The following BCAS3 variants were observed in gnomAD, a reference collection of about 807,000 sequenced individuals.
BCAS3 encodes the protein BCAS4/BCAS3 fusion.
Under a neutral mutation model 116.1 loss-of-function variants are expected in BCAS3, and 53 were observed. The ratio of observed to expected loss-of-function variants is 0.46; its 90% CI spans 0.37 to 0.57. The LOEUF is 0.57. Among genes scored for constraint, BCAS3 ranks in the 20% least tolerant of loss-of-function variants. The pLI is 0.00. For missense variants in BCAS3, 917 were observed against 1,165.4 expected, an observed-to-expected ratio of 0.79 and a Z score of 3.10; for synonymous variants, 391 against 408.2, an observed-to-expected ratio of 0.96 and a Z score of 0.51.
chr17:60,797,096 A>T (rs2047280264), intron 6 of BCAS3, among the ~76,000 whole-genome samples: 2 of 151,908 alleles, frequency 1.3e-5, no homozygotes, highest in South Asian at 4.2e-4. Flanking sequence ...GGGTTTCGCC[A>T]CCTTGGCCAG....
At chr17:61,311,362 A>G (rs917620686) in intron 22 of BCAS3, among the ~76,000 whole-genome samples, 1 of 152,220 alleles carries the variant, frequency 6.6e-6, no homozygotes, top group African/African-American at 2.4e-5. Flanking sequence ...TGGGGATTCT[A>G]TGTGAGGGCA....
chr17:61,185,592 C>T (rs994048810), intron 22 of BCAS3, among the ~76,000 whole-genome samples: 4 of 152,064 alleles, frequency 2.6e-5, no homozygotes, highest in East Asian at 1.9e-4. Context: ...GTTCATTCAT[C>T]GGTCAAACTG....
At chr17:61,389,609 C>G (rs1290744848) in intron 23 of BCAS3, 4 of 152,344 alleles carry the variant, frequency 2.6e-5, no homozygotes, top group Non-Finnish European at 5.9e-5. Flanking sequence ...CCTTGGTTAC[C>G]TTACCCTGGG....
intron 11 of BCAS3, among the ~76,000 whole-genome samples, chr17:60,904,939 C>T (rs2058109797): frequency 6.6e-6 from 1 of 152,110 alleles, no homozygotes; most frequent in African/African-American, 2.4e-5. Flanking sequence ...AAAGACTCTT[C>T]CAGTGAATAA....
intron 6 of BCAS3, among the ~76,000 whole-genome samples, chr17:60,748,689 A>C (rs1338336414): frequency 6.6e-6 from 1 of 152,154 alleles, no homozygotes; most frequent in Non-Finnish European, 1.5e-5. Flanking sequence ...ATCAATGTTC[A>C]TCTTTTCTCA....
chr17:61,195,622 C>T (rs1368447217), intron 22 of BCAS3, among the ~76,000 whole-genome samples: 1 of 151,924 alleles, frequency 6.6e-6, no homozygotes, highest in Non-Finnish European at 1.5e-5. Flanking sequence ...AGTGATCCGC[C>T]CACCTTGGCT....
chr17:61,020,214 C>T lies in BCAS3; in HGVS notation c.1637+4313C>T, dbSNP rs535924750. Among the ~76,000 whole-genome samples the T allele has an allele frequency of 2.0e-4, 31 of 152,250 alleles. No individual in the cohort carries two copies. The highest frequency in any genetic ancestry group is 6.3e-4 in the African/African-American group (26 of 41,532). ...CAACTTAAACCTTAAGGGGACAAAACGTGTGTTTACCATATTCAACATCTG... is the reference window on the plus strand; with the variant it reads ...CAACTTAAACCTTAAGGGGACAAAATGTGTGTTTACCATATTCAACATCTG... On this transcript the variant is annotated intron_variant, in intron 16 of 23. Coordinates refer to ENST00000407086, the MANE Select transcript of BCAS3 (RefSeq NM_017679.5). The surrounding 1 kb of genome is among the most constrained non-coding windows in gnomAD (Gnocchi z 4.5).
chr17:60,830,283 C>T (rs369911334), intron 7 of BCAS3, among the ~76,000 whole-genome samples: 11 of 152,300 alleles, frequency 7.2e-5, no homozygotes, highest in African/African-American at 2.2e-4. Context: ...GCCACTGCGC[C>T]CAGCCTGAAC....
intron 22 of BCAS3, among the ~76,000 whole-genome samples, chr17:61,195,673 C>A (rs2080438303): frequency 6.6e-6 from 1 of 152,050 alleles, no homozygotes; most frequent in Non-Finnish European, 1.5e-5. Flanking sequence ...GCCACCGCAC[C>A]CGGCCCCCCT....
At chr17:60,687,075 C>T (rs1356834302) in intron 3 of BCAS3, among the ~76,000 whole-genome samples, 1 of 152,156 alleles carries the variant, frequency 6.6e-6, no homozygotes, top group Non-Finnish European at 1.5e-5. Context: ...ATGACACCTA[C>T]AATGATTATA....
At chr17:60,807,164 T>C (rs2048352539) in intron 6 of BCAS3, among the ~76,000 whole-genome samples, 1 of 152,246 alleles carries the variant, frequency 6.6e-6, no homozygotes, top group South Asian at 2.1e-4. Context: ...GAAATATTAA[T>C]ATCATTAATT....
At chr17:60,810,781 C>G (rs1184776431) in intron 7 of BCAS3, 10 of 659,026 alleles carry the variant, frequency 1.5e-5, no homozygotes, top group Non-Finnish European at 2.8e-5. Context: ...GATCAAGGCT[C>G]TCAAGGAGGA....
Position 61,205,876 on chromosome 17 carries a change from A to T in BCAS3, c.2425+121312A>T, listed in dbSNP as rs751324117. 2.0e-5 allele frequency among the ~76,000 whole-genome samples: 3 copies of T among 152,212 alleles called. No individual in the cohort carries two copies. Among genetic ancestry groups the T allele is most frequent in the Non-Finnish European group, 4.4e-5 (3 of 68,046 alleles). Reference sequence around the variant, plus strand: ...TGTGAAACTGTTTCGGGAGCAAAAGATAAGGCAAACACAACCAAAAAGACA... The same window carrying T: ...TGTGAAACTGTTTCGGGAGCAAAAGTTAAGGCAAACACAACCAAAAAGACA... On this transcript the variant is annotated intron_variant, in intron 22 of 23. Transcript: ENST00000407086. The surrounding 1 kb of genome is among the most constrained non-coding windows in gnomAD (Gnocchi z 5.2).
intron 15 of BCAS3, among the ~76,000 whole-genome samples, chr17:61,001,441 G>A (rs1600366015): frequency 6.6e-6 from 1 of 152,094 alleles, no homozygotes; most frequent in East Asian, 1.9e-4. Flanking sequence ...ACACATTTCA[G>A]CCTTATATAG....
chr17:61,368,196 C>A lies in BCAS3; in HGVS notation c.2426-131C>A. On this transcript the variant is annotated intron_variant, in intron 22 of 23. Transcript: ENST00000407086. The surrounding 1 kb of genome is among the most constrained non-coding windows in gnomAD (Gnocchi z 6.0). ...TCTCCTGCGCTACCCAGTCTGTTGG[C>A]GGCGTGCTTCCATCCTACAGGAAGG... 2.2e-6 allele frequency: 2 copies of A among 929,316 alleles called. No homozygotes were observed. The highest frequency in any genetic ancestry group is 3.2e-6 in the Non-Finnish European group (2 of 627,464). The allele number at this position is 929,316 out of a possible 1,614,324, so 57.6% of individuals were successfully genotyped here. A position where few individuals can be genotyped will look rare whatever the true frequency, so the allele number is the denominator to read the frequency against.
chr17:61,247,956 G>A (rs1199748562), intron 22 of BCAS3, among the ~76,000 whole-genome samples: 2 of 152,146 alleles, frequency 1.3e-5, no homozygotes, highest in Non-Finnish European at 2.9e-5. Context: ...TACAACTTGC[G>A]GCATTGAAAG....
Position 61,363,066 on chromosome 17 carries a change from A to T in BCAS3, c.2426-5261A>T, listed in dbSNP as rs948243824. The stretch of plus-strand genomic sequence containing the variant: ...GCCTATTTTCATTATGGAGGAATTC[A>T]TGCCCTCGGGAGCTTCTAAACTAGT... On this transcript the variant is annotated intron_variant, in intron 22 of 23. Transcript: ENST00000407086. The surrounding 1 kb of genome is among the most constrained non-coding windows in gnomAD (Gnocchi z 4.9). Among the ~76,000 whole-genome samples, 3 of 152,182 alleles carry T rather than the reference A, an allele frequency of 2.0e-5. No homozygotes were observed. The highest frequency in any genetic ancestry group is 4.4e-5 in the Non-Finnish European group (3 of 68,030).
At chr17:60,920,774 G>A (rs1430594525) in intron 12 of BCAS3, among the ~76,000 whole-genome samples, 4 of 152,036 alleles carry the variant, frequency 2.6e-5, no homozygotes, top group African/African-American at 4.8e-5. Context: ...GGAGGCTGAG[G>A]CAGGAGAATC....
At chr17:61,182,826 A>T (rs1235834042) in intron 22 of BCAS3, among the ~76,000 whole-genome samples, 1 of 152,160 alleles carries the variant, frequency 6.6e-6, no homozygotes, top group Non-Finnish European at 1.5e-5. Context: ...TCGAATGTAG[A>T]GTGTTGTGGA....
Sources: gnomAD v4.1 joint callset for allele counts (sites outside exome capture counted in the v4.1 genomes callset) on GRCh38, gnomAD v4.1.1 for gene constraint, Gnocchi (gnomAD v3.1) non-coding constraint, MANE v1.5 for transcripts, NCBI Gene and HGNC (gene_info 2026-07-23, HGNC 2026-07-21) for gene names.